Variants in SDCCAG8 observed in about 807,000 individuals in gnomAD.
The protein encoded by SDCCAG8 is serologically defined colon cancer antigen 8.
Under a neutral mutation model 101.8 loss-of-function variants are expected in SDCCAG8, and 74 were observed. The ratio of observed to expected loss-of-function variants is 0.73; its 90% CI spans 0.60 to 0.88. The LOEUF (loss-of-function observed/expected upper bound fraction) is 0.88. SDCCAG8 is among the 40% of genes least tolerant of loss of function. The probability of loss-of-function intolerance (pLI) is 0.00; values close to 1 mark genes in which losing one functional copy is unlikely to be tolerated. For synonymous variants in SDCCAG8, 281 were observed against 292.9 expected (o/e 0.96, Z 0.41); for missense variants, 787 against 822.6 (o/e 0.96, Z 0.53).
chr1:243,453,692 G>A (rs960894638), intron 16 of SDCCAG8, among the ~76,000 whole-genome samples: 3 of 152,200 alleles, frequency 2.0e-5, no homozygotes, highest in African/African-American at 7.2e-5. Flanking sequence ...TGGCTAAATA[G>A]ATTCTCTCAA....
At chr1:243,349,726 G>T (rs1026490795) in intron 12 of SDCCAG8, among the ~76,000 whole-genome samples, 1 of 152,094 alleles carries the variant, frequency 6.6e-6, no homozygotes, top group Non-Finnish European at 1.5e-5. Flanking sequence ...CTAGTGGCTT[G>T]GATGGGAGTG....
intron 16 of SDCCAG8, among the ~76,000 whole-genome samples, chr1:243,467,024 T>A (rs576845465): frequency 1.3e-5 from 2 of 152,324 alleles, no homozygotes; most frequent in East Asian, 3.9e-4. Context: ...CCTTTCTAGA[T>A]GCCTTCAAGA....
At chr1:243,358,988 G>A (rs952885953) in intron 12 of SDCCAG8, among the ~76,000 whole-genome samples, 5 of 152,196 alleles carry the variant, frequency 3.3e-5, no homozygotes, top group African/African-American at 1.2e-4. Context: ...TGATGGGCAT[G>A]GAGTTTCTTT....
intron 13 of SDCCAG8, among the ~76,000 whole-genome samples, chr1:243,411,003 T>C (rs971253280): frequency 7.2e-5 from 11 of 152,214 alleles, no homozygotes; most frequent in African/African-American, 2.4e-4. Flanking sequence ...GAAGAAAACA[T>C]TGACATGGCC....
intron 12 of SDCCAG8, among the ~76,000 whole-genome samples, chr1:243,352,491 C>T (rs1250748875): frequency 3.3e-5 from 5 of 152,186 alleles, no homozygotes; most frequent in Non-Finnish European, 7.3e-5. Flanking sequence ...TTCTCAGGTA[C>T]CAACTCTGCA....
chr1:243,276,979 G>A (rs2068625662), intron 4 of SDCCAG8, among the ~76,000 whole-genome samples: 1 of 152,028 alleles, frequency 6.6e-6, no homozygotes, highest in African/African-American at 2.4e-5. Context: ...TAACTTGATA[G>A]CTCATTTCTT....
At chr1:243,484,212 TAC>T (rs1416938492) in intron 16 of SDCCAG8, among the ~76,000 whole-genome samples, 3 of 152,258 alleles carry the variant, frequency 2.0e-5, no homozygotes, top group Admixed American at 6.5e-5. Flanking sequence ...CTGGTTTGGC[TAC>T]AGAGTCCAGC....
chr1:243,378,582 C>T, intron 12 of SDCCAG8, 139 bp from the exon 13 acceptor site: 1 of 861,132 alleles, frequency 1.2e-6, no homozygotes, highest in Non-Finnish European at 1.8e-6. Context: ...TTCCTTTTGT[C>T]ATAAAATGGA....
intron 9 of SDCCAG8, among the ~76,000 whole-genome samples, chr1:243,325,945 C>T (rs1025715445): frequency 9.9e-5 from 15 of 152,168 alleles, no homozygotes; most frequent in African/African-American, 3.1e-4. Flanking sequence ...TGTGCAGTCA[C>T]ACCTTGATAA....
intron 6 of SDCCAG8, among the ~76,000 whole-genome samples, chr1:243,296,353 C>G (rs995059040): frequency 6.6e-6 from 1 of 151,982 alleles, no homozygotes; most frequent in Non-Finnish European, 1.5e-5. Context: ...CAAACAAACC[C>G]AAAATATATT....
chr1:243,428,140 A>G (rs909011948), intron 16 of SDCCAG8, among the ~76,000 whole-genome samples: 2 of 152,216 alleles, frequency 1.3e-5, no homozygotes, highest in Non-Finnish European at 2.9e-5. Context: ...CACACATAGT[A>G]CCTTATGTAC....
intron 17 of SDCCAG8, among the ~76,000 whole-genome samples, chr1:243,495,132 G>A (rs1387015328): frequency 2.6e-5 from 4 of 152,234 alleles, no homozygotes; most frequent in Non-Finnish European, 2.9e-5. Flanking sequence ...CAGACCCCAC[G>A]GTTGGGAAGG....
At chr1:243,390,735 A>G (rs529975742) in intron 13 of SDCCAG8, among the ~76,000 whole-genome samples, 49 of 152,332 alleles carry the variant, frequency 3.2e-4, no homozygotes, top group African/African-American at 1.2e-3. Flanking sequence ...CCGAGAATGT[A>G]TTGCCCACAC....
At chr1:243,288,882 C>T (rs2069912490) in intron 5 of SDCCAG8, among the ~76,000 whole-genome samples, 1 of 151,764 alleles carries the variant, frequency 6.6e-6, no homozygotes, top group Admixed American at 6.6e-5. Context: ...TGGTGGGCAC[C>T]TGTAGTCCCA....
Position 243,256,219 on chromosome 1 carries a change from C to A in SDCCAG8, c.46C>A (p.Gln16Lys), listed in dbSNP as rs1270412613. The change falls in exon 1 of 18, where the codon CAG becomes AAG. Residue 16 changes from glutamine to lysine, a missense_variant. Transcript: ENST00000366541. ...CTCTACCCTGGAGGAGATTCTGGGGCAGTATCAACGGAGTCTCCGGGGTGA... is the reference window on the plus strand; with the variant it reads ...CTCTACCCTGGAGGAGATTCTGGGGAAGTATCAACGGAGTCTCCGGGGTGA... ...ENSTLEEILG[Q>K]YQRSLREHAS... 5.0e-6 allele frequency: 8 copies of A among 1,614,178 alleles called. No homozygotes were observed. Among genetic ancestry groups the A allele is most frequent in the Non-Finnish European group, 6.8e-6 (8 of 1,179,990 alleles).
chr1:243,380,074 C>G (rs868301028), intron 13 of SDCCAG8, among the ~76,000 whole-genome samples: 2 of 150,304 alleles, frequency 1.3e-5, no homozygotes, highest in South Asian at 4.2e-4. Flanking sequence ...CCCTTTTAAA[C>G]AATAAAAGAA....
At chr1:243,403,388 G>C (rs1385731420) in intron 13 of SDCCAG8, among the ~76,000 whole-genome samples, 1 of 152,114 alleles carries the variant, frequency 6.6e-6, no homozygotes, top group Non-Finnish European at 1.5e-5. Flanking sequence ...AGTTTGAGTA[G>C]TCATCTTCTA....
intron 15 of SDCCAG8, among the ~76,000 whole-genome samples, chr1:243,420,207 A>G (rs944346595): frequency 6.6e-6 from 1 of 152,212 alleles, no homozygotes; most frequent in Admixed American, 6.5e-5. Flanking sequence ...CCTTGGGTAC[A>G]TGGCCTCATT....
intron 16 of SDCCAG8, among the ~76,000 whole-genome samples, chr1:243,433,593 C>G (rs968135582): frequency 9.9e-5 from 15 of 152,024 alleles, no homozygotes; most frequent in African/African-American, 3.1e-4. Context: ...AGTTGGCTGC[C>G]CTTAAAGTGT....
Sources: allele counts gnomAD v4.1 joint callset (sites outside exome capture counted in the v4.1 genomes callset), GRCh38; gene constraint gnomAD v4.1.1; transcripts MANE v1.5; gene names NCBI Gene and HGNC (gene_info 2026-07-23, HGNC 2026-07-21).